The following LRPAP1 variants were observed in gnomAD, a reference collection of about 807,000 sequenced individuals.
LRPAP1 encodes LDL receptor related protein associated protein 1.
In LRPAP1, 41 loss-of-function variants were observed where a neutral mutation model predicts 39.9. The observed-to-expected ratio is 1.03, with a 90% CI of 0.80 to 1.33. The LOEUF (loss-of-function observed/expected upper bound fraction) is 1.33. LRPAP1 is among the 40% of genes most tolerant of loss of function. The probability of loss-of-function intolerance (pLI) is 0.00; values close to 1 mark genes in which losing one functional copy is unlikely to be tolerated. For missense variants in LRPAP1, 565 were observed against 482.3 expected, an observed-to-expected ratio of 1.17 and a Z score of -1.61; for synonymous variants, 263 against 212.7, an observed-to-expected ratio of 1.24 and a Z score of -2.06.
intron 2 of LRPAP1, among the ~76,000 whole-genome samples, chr4:3,524,306 T>C (rs1011749420): frequency 2.0e-5 from 3 of 152,216 alleles, no homozygotes; most frequent in Non-Finnish European, 4.4e-5. Flanking sequence ...CTGCCTCTTC[T>C]TGAATACCCA....
chr4:3,516,236 G>C, intron 5 of LRPAP1, 38 bp from the exon 6 acceptor site: 1 of 1,504,216 alleles, frequency 6.6e-7, no homozygotes. Flanking sequence ...AGCAGCACCC[G>C]GGGTGCACAC....
In LRPAP1 at chr4:3,512,510, A is replaced by C. The variant is rs1794438; in HGVS notation, c.*464T>G. ...AGCTGGCTATGACGCGATCCCTTCA[A>C]GAGCACTGGCTCCGGCCCCAGCCAC... is the stretch of plus-strand genomic sequence containing the variant. On this transcript the variant is annotated 3_prime_UTR_variant, in exon 8 of 8. Coordinates refer to ENST00000650182, the MANE Select transcript of LRPAP1 (RefSeq NM_002337.4). 113,628 of 160,788 alleles carry C rather than the reference A, an allele frequency of 0.71. 40,587 individuals carry two copies. The highest frequency in any genetic ancestry group is 0.93 in the East Asian group (5,037 of 5,424). 10.0% of individuals were successfully genotyped at this position (160,788 alleles called of 1,614,324 possible).
In LRPAP1 at chr4:3,518,057, TG is replaced by T. The variant is rs1203673591; in HGVS notation, c.727del (p.His243ThrfsTer15). ...ACCAGCCTCAGTGCTGTAGCCCTGG[TG>T]GCTGACCCTGCGCAGGCGGTCCAGG... Reference protein sequence around the residue: ...QGLDRLRRVSHQGYSTEAEFE... With the variant: ...QGLDRLRRVSXQGYSTEAEFE... On this transcript the variant is annotated frameshift_variant, in exon 5 of 8. Coordinates refer to ENST00000650182, the MANE Select transcript of LRPAP1 (RefSeq NM_002337.4). LOFTEE classifies it high-confidence loss of function. 1.2e-6 allele frequency: 2 copies of T among 1,611,134 alleles called. No individual in the cohort carries two copies. The highest frequency in any genetic ancestry group is 2.7e-5 in the African/African-American group (2 of 75,050).
rs569526036 is a variant in LRPAP1 at position 3,507,700 on chromosome 4, T to C, written c.*5274A>G. On this transcript the variant is annotated 3_prime_UTR_variant, in exon 8 of 8. Coordinates refer to ENST00000650182, the MANE Select transcript of LRPAP1 (RefSeq NM_002337.4). ...GACAGCAAATTGAACACAAAATAGG[T>C]AGAAGAAAGGAAATTCATAAGAAAA... 2.0e-5 allele frequency: 3 copies of C among 149,628 alleles called. No individual in the cohort carries two copies. The highest frequency in any genetic ancestry group is 2.1e-4 in the South Asian group (1 of 4,746). 9.3% of individuals were successfully genotyped at this position (149,628 alleles called of 1,614,324 possible).
chr4:3,518,912 T>G lies in LRPAP1; in HGVS notation c.551A>C (p.His184Pro). The G allele has an allele frequency of 1.2e-6, 2 of 1,613,528 alleles. No homozygotes were observed. Among genetic ancestry groups the G allele is most frequent in the East Asian group, 2.2e-5 (1 of 44,820 alleles). Residue 184 changes from histidine (H) to proline (P), a missense_variant, in exon 4 of 8, where the codon CAC (histidine) becomes CCC (proline). Transcript: ENST00000650182. ...GGTCTCCAGCAGGACGTTGTACTCG[T>G]GAACTTTCTCTTTGTGATGCAGGAA... ...REFLHHKEKV[H>P]EYNVLLETLS...
intron 6 of LRPAP1, among the ~76,000 whole-genome samples, chr4:3,515,498 G>A (rs1729664049): frequency 6.6e-6 from 1 of 152,130 alleles, no homozygotes; most frequent in Non-Finnish European, 1.5e-5. Flanking sequence ...AAAGTCCCAA[G>A]TCCTATGAGG....
intron 1 of LRPAP1, among the ~76,000 whole-genome samples, chr4:3,528,771 C>T (rs1228601011): frequency 6.6e-6 from 1 of 152,170 alleles, no homozygotes; most frequent in Non-Finnish European, 1.5e-5. Context: ...TCCACCTGAG[C>T]TCCGTGGACA....
At chr4:3,523,616 C>T (rs1386331840) in intron 2 of LRPAP1, among the ~76,000 whole-genome samples, 1 of 152,228 alleles carries the variant, frequency 6.6e-6, no homozygotes, top group Non-Finnish European at 1.5e-5. Context: ...ACAAATCACC[C>T]TCTCTGAGCC....
chr4:3,514,725 C>T, intron 7 of LRPAP1, 27 bp downstream of exon 7: 3 of 1,573,552 alleles, frequency 1.9e-6, no homozygotes, highest in Non-Finnish European at 2.6e-6. Flanking sequence ...GAACTGTGGC[C>T]TCCCCGGTCC....
chr4:3,519,108 A>G, intron 3 of LRPAP1, 117 bp from the exon 4 acceptor site: 2 of 1,495,518 alleles, frequency 1.3e-6, no homozygotes, highest in Non-Finnish European at 1.8e-6. Context: ...GTGCCAGGCC[A>G]GGTTCTTGGC....
rs1262649673 is a variant in LRPAP1, at chr4:3,503,835, A to G, written c.*9139T>C. ...AAACACATGCTGCAGTAAATACTGA[A>G]TTTCTCCTTAAGAGCTGTGGGAATC... On this transcript the variant is annotated 3_prime_UTR_variant, in exon 8 of 8. Transcript: ENST00000650182. 1 of 152,268 alleles carries G rather than the reference A, an allele frequency of 6.6e-6. No homozygotes were observed. The highest frequency in any genetic ancestry group is 1.5e-5 in the Non-Finnish European group (1 of 68,056). 9.4% of individuals were successfully genotyped at this position (152,268 alleles called of 1,614,324 possible).
At chr4:3,529,340 A>C (rs1476367490) in intron 1 of LRPAP1, among the ~76,000 whole-genome samples, 2 of 151,994 alleles carry the variant, frequency 1.3e-5, no homozygotes, top group Non-Finnish European at 2.9e-5. Flanking sequence ...ACAAAAAAAC[A>C]AAAAACCAAA....
In LRPAP1 at chr4:3,532,269, G is replaced by C; in HGVS notation, c.144C>G (p.Arg48=). Residue 48 remains arginine, a synonymous_variant, in exon 1 of 8, where the codon CGC becomes CGG. Transcript: ENST00000650182. ...EKNQPKPSPK[R]ESGEEFRMEK... is the part of the protein sequence containing the mutation. ...CCATGCGGAACTCCTCTCCGGACTC[G>C]CGTTTCGGGGACGGCTTGGGCTGGT... is the stretch of plus-strand genomic sequence containing the variant. 6.4e-7 allele frequency: 1 copy of C among 1,555,750 alleles called. No individual in the cohort carries two copies. Among genetic ancestry groups the C allele is most frequent in the African/African-American group, 1.4e-5 (1 of 73,464 alleles).
At position 3,505,250 on chromosome 4, in the gene LRPAP1, G is replaced by A. The variant is rs112021500; in HGVS notation, c.*7724C>T. On this transcript the variant is annotated 3_prime_UTR_variant, in exon 8 of 8. Transcript: ENST00000650182. ...GCCCCAGCCCCTGGTGTCCCGCAGCGGCTGCGGTGGCAGTGGTGGGGGAGC... is the reference window on the plus strand; with the variant it reads ...GCCCCAGCCCCTGGTGTCCCGCAGCAGCTGCGGTGGCAGTGGTGGGGGAGC... Among the ~76,000 whole-genome samples the A allele has an allele frequency of 1.0e-2, 1,519 of 152,296 alleles. 24 individuals are homozygous for A. The highest frequency in any genetic ancestry group is 0.031 in the African/African-American group (1,308 of 41,562).
Position 3,505,809 on chromosome 4 carries a change from G to C in LRPAP1, c.*7165C>G, listed in dbSNP as rs923127790. Among the ~76,000 whole-genome samples the C allele has an allele frequency of 6.6e-6, 1 of 152,218 alleles. No homozygotes were observed. Among genetic ancestry groups the C allele is most frequent in the African/African-American group, 2.4e-5 (1 of 41,460 alleles). On this transcript the variant is annotated 3_prime_UTR_variant, in exon 8 of 8. Coordinates refer to ENST00000650182, the MANE Select transcript of LRPAP1 (RefSeq NM_002337.4). ...CAAGATGCTGGGGAGGTTTCTGTTA[G>C]GGTGGAGCTGGAAGCCATCAAGTTC...
intron 1 of LRPAP1, among the ~76,000 whole-genome samples, chr4:3,525,457 T>TA (rs1730053480): frequency 7.8e-6 from 1 of 128,070 alleles, no homozygotes; most frequent in Non-Finnish European, 1.8e-5. Context: ...AAGTTCTTTT[T>TA]TAAAAAAAAT....
In LRPAP1 at chr4:3,504,006, G is replaced by A. The variant is rs185976081; in HGVS notation, c.*8968C>T. ...TCAGGTCCTAGGGGGCTGACCAGCA[G>A]GGTGGGGCAGACACCAGGCTCCAGC... On this transcript the variant is annotated 3_prime_UTR_variant, in exon 8 of 8. Coordinates refer to ENST00000650182, the MANE Select transcript of LRPAP1 (RefSeq NM_002337.4). 6.6e-6 allele frequency: 1 copy of A among 152,568 alleles called. No homozygotes were observed. Among genetic ancestry groups the A allele is most frequent in the East Asian group, 1.9e-4 (1 of 5,190 alleles). The allele number at this position is 152,568 out of a possible 1,614,324, so 9.5% of individuals were successfully genotyped here.
chr4:3,518,046 T>C lies in LRPAP1; in HGVS notation c.739A>G (p.Ser247Gly), dbSNP rs1310382731. The change falls in exon 5 of 8, where the codon AGC (serine) becomes GGC (glycine). Residue 247 changes from serine to glycine, a missense_variant. By Grantham distance (56) the Ser-to-Gly change is moderately conservative (BLOSUM62 0). Transcript: ENST00000650182. ...GGCGGGCACTCACCAGCCTCAGTGC[T>C]GTAGCCCTGGTGGCTGACCCTGCGC... The part of the protein sequence containing the change: ...RLRRVSHQGY[S>G]TEAEFEEPRV... The C allele has an allele frequency of 1.2e-6, 2 of 1,610,108 alleles. No individual in the cohort carries two copies. Among genetic ancestry groups the C allele is most frequent in the Admixed American group, 1.7e-5 (1 of 59,912 alleles).
chr4:3,516,191 C>T lies in LRPAP1; in HGVS notation c.759G>A (p.Glu253=). 1 of 1,572,092 alleles carries T rather than the reference C, an allele frequency of 6.4e-7. No individual in the cohort carries two copies. The highest frequency in any genetic ancestry group is 8.6e-7 in the Non-Finnish European group (1 of 1,158,888). Reference sequence around the variant, plus strand: ...CCCACAGGTCAATCACCCTGGGCTCCTCGAACTCTGCAGGGGAGGAGCAAG... The same window carrying T: ...CCCACAGGTCAATCACCCTGGGCTCTTCGAACTCTGCAGGGGAGGAGCAAG... ...HQGYSTEAEF[E]EPRVIDLWDL... The change falls in exon 6 of 8, where the codon GAG becomes GAA. Residue 253 remains glutamate, a synonymous_variant. Transcript: ENST00000650182.
Sources: allele counts gnomAD v4.1 joint callset (sites outside exome capture counted in the v4.1 genomes callset), GRCh38; gene constraint gnomAD v4.1.1; transcripts MANE v1.5; gene names NCBI Gene and HGNC (gene_info 2026-07-23, HGNC 2026-07-21).